The following LMTK2 variants were observed in gnomAD, a reference collection of about 807,000 sequenced individuals.
The protein encoded by LMTK2 is serine/threonine-protein kinase LMTK2.
Under a neutral mutation model 127.5 loss-of-function variants are expected in LMTK2, and 37 were observed. The ratio of observed to expected loss-of-function variants is 0.29; its 90% CI spans 0.22 to 0.38. The LOEUF (loss-of-function observed/expected upper bound fraction) is 0.38. Ranked by LOEUF, LMTK2 falls within the 10% of genes least tolerant of loss-of-function variation. The pLI, the probability that LMTK2 is intolerant of heterozygous loss-of-function variation, is 1.00. For synonymous variants in LMTK2, 819 were observed against 810.1 expected (o/e 1.01, Z -0.19); for missense variants, 1,694 against 1,920.3 (o/e 0.88, Z 2.20).
intron 7 of LMTK2, among the ~76,000 whole-genome samples, chr7:98,181,789 G>T (rs1309664619): frequency 3.4e-5 from 5 of 149,016 alleles, no homozygotes; most frequent in African/African-American, 4.8e-5. Flanking sequence ...CTCCCCAGTA[G>T]CTGGAATTAC....
intron 1 of LMTK2, among the ~76,000 whole-genome samples, chr7:98,113,134 C>G (rs1796227229): frequency 1.3e-5 from 2 of 152,102 alleles, no homozygotes; most frequent in Admixed American, 1.3e-4. Flanking sequence ...CCCGTAATCC[C>G]CATATGTCGT....
At chr7:98,202,083 A>T (rs1001727549) in intron 11 of LMTK2, among the ~76,000 whole-genome samples, 1 of 150,716 alleles carries the variant, frequency 6.6e-6, no homozygotes, top group South Asian at 2.1e-4. Context: ...GTATTCTCTC[A>T]TAGGTTCTGA....
At position 98,193,336 on chromosome 7, in the gene LMTK2, C is replaced by T. The variant is rs375726569; in HGVS notation, c.2871C>T (p.Asp957=). 4.6e-5 allele frequency: 75 copies of T among 1,614,048 alleles called. No individual in the cohort carries two copies. The East Asian group carries it at 1.1e-3, about 24-fold the overall frequency. ...VETLNQLNSK[D]AAKEAGLVSA... ...CTTTAAATCAGCTCAATTCTAAAGA[C>T]GCAGCAAAAGAAGCAGGCTTGGTGT... The change falls in exon 11 of 14, where the codon GAC becomes GAT. Residue 957 remains aspartate, a synonymous_variant. Transcript: ENST00000297293. The surrounding 1 kb of genome is among the most constrained non-coding windows in gnomAD (Gnocchi z 4.1).
At chr7:98,186,545 T>C (rs1195963423) in intron 8 of LMTK2, among the ~76,000 whole-genome samples, 2 of 152,212 alleles carry the variant, frequency 1.3e-5, no homozygotes, top group Non-Finnish European at 2.9e-5. Context: ...CCTAACTGGC[T>C]TCACTGTTCA....
At chr7:98,186,041 G>A (rs577932765) in intron 8 of LMTK2, among the ~76,000 whole-genome samples, 39 of 151,822 alleles carry the variant, frequency 2.6e-4, no homozygotes, top group Non-Finnish European at 4.6e-4. Context: ...CTTAGCACCT[G>A]CCTGTATCCT....
intron 10 of LMTK2, 53 bp from the exon 11 acceptor site, chr7:98,191,556 CAAAAA>C: frequency 2.4e-6 from 3 of 1,243,398 alleles, no homozygotes; most frequent in Admixed American, 2.7e-5. Context: ...CGTCTCGAAC[CAAAAA>C]AAAAAAAAAA....
At position 98,207,030 on chromosome 7, in the gene LMTK2, C is replaced by T. The variant is rs1797814916; in HGVS notation, c.*1538C>T. 6.6e-6 allele frequency: 1 copy of T among 152,226 alleles called. No homozygotes were observed. The highest frequency in any genetic ancestry group is 1.5e-5 in the Non-Finnish European group (1 of 68,104). The allele number at this position is 152,226 out of a possible 1,614,324, so 9.4% of individuals were successfully genotyped here. On this transcript the variant is annotated 3_prime_UTR_variant, in exon 14 of 14. Transcript: ENST00000297293. Reference sequence around the variant, plus strand: ...AGCTTCGTCACATCGTCACGAGCCCCTGTGGTCATGGGCGACCTCACACCT... The same window carrying T: ...AGCTTCGTCACATCGTCACGAGCCCTTGTGGTCATGGGCGACCTCACACCT...
chr7:98,131,846 C>T (rs1340729743), intron 1 of LMTK2, among the ~76,000 whole-genome samples: 1 of 152,170 alleles, frequency 6.6e-6, no homozygotes, highest in Non-Finnish European at 1.5e-5. Flanking sequence ...TTCAATGTTA[C>T]AAAACTGTGA....
chr7:98,120,007 ATGAT>A (rs375524304), intron 1 of LMTK2, among the ~76,000 whole-genome samples: 113 of 151,952 alleles, frequency 7.4e-4, no homozygotes, highest in South Asian at 1.2e-3. Context: ...TTTGCTGTGG[ATGAT>A]TGATCTGTAC....
At chr7:98,107,899 C>T (rs546522929) in intron 1 of LMTK2, among the ~76,000 whole-genome samples, 1 of 152,234 alleles carries the variant, frequency 6.6e-6, no homozygotes, top group East Asian at 1.9e-4. Context: ...ATGGAAGTTT[C>T]TATTTTAGCT....
intron 1 of LMTK2, among the ~76,000 whole-genome samples, chr7:98,110,608 G>C (rs1796188218): frequency 6.6e-6 from 1 of 152,204 alleles, no homozygotes; most frequent in African/African-American, 2.4e-5. Context: ...AAACATGGAT[G>C]CGCCTTTTCT....
chr7:98,173,222 G>A (rs530917801), intron 7 of LMTK2, among the ~76,000 whole-genome samples: 1 of 152,106 alleles, frequency 6.6e-6, no homozygotes, highest in Non-Finnish European at 1.5e-5. Context: ...CTTCAAGGGG[G>A]GACAGAGGAA....
intron 2 of LMTK2, among the ~76,000 whole-genome samples, chr7:98,138,172 G>T (rs565222929): frequency 3.2e-4 from 48 of 152,282 alleles, no homozygotes; most frequent in African/African-American, 1.0e-3. Flanking sequence ...GAATACATGG[G>T]GGGGAGAAGG....
chr7:98,137,055 A>G (rs954119749), intron 1 of LMTK2, among the ~76,000 whole-genome samples: 3 of 152,240 alleles, frequency 2.0e-5, no homozygotes, highest in Non-Finnish European at 4.4e-5. Flanking sequence ...ATACTGTGGT[A>G]ATGTACGATG....
intron 1 of LMTK2, among the ~76,000 whole-genome samples, chr7:98,136,980 C>A (rs377157721): frequency 2.0e-5 from 3 of 152,136 alleles, no homozygotes; most frequent in Non-Finnish European, 4.4e-5. Context: ...CAGTAAAATC[C>A]GAATAAAGCC....
At chr7:98,189,120 G>A (rs1423743092) in intron 9 of LMTK2, among the ~76,000 whole-genome samples, 1 of 152,036 alleles carries the variant, frequency 6.6e-6, no homozygotes, top group East Asian at 1.9e-4. Flanking sequence ...TTCATTTATT[G>A]AATTCTTCAG....
At chr7:98,119,995 T>C (rs1584244911) in intron 1 of LMTK2, among the ~76,000 whole-genome samples, 1 of 152,208 alleles carries the variant, frequency 6.6e-6, no homozygotes, top group Non-Finnish European at 1.5e-5. Flanking sequence ...TATTTTGATA[T>C]ATTTGCTGTG....
chr7:98,134,632 TAGTG>T (rs1369141288), intron 1 of LMTK2, among the ~76,000 whole-genome samples: 1 of 144,842 alleles, frequency 6.9e-6, no homozygotes. Context: ...CTGGACAACA[TAGTG>T]AGACTCCCAT....
At position 98,192,747 on chromosome 7, in the gene LMTK2, C is replaced by T. The variant is rs145315793; in HGVS notation, c.2282C>T (p.Thr761Met). 6.5e-5 allele frequency: 105 copies of T among 1,613,144 alleles called. No homozygotes were observed. Among genetic ancestry groups the T allele is most frequent in the Non-Finnish European group, 8.2e-5 (97 of 1,179,686 alleles). ...GGTTTTACTGAAGCTATGTTAGAAA[C>T]GTCATGTAGAAACTCTTTAGATACT... ...NAGFTEAMLE[T>M]SCRNSLDTEL... Residue 761 changes from threonine (T) to methionine (M), a missense_variant, in exon 11 of 14, where the codon ACG becomes ATG. Thr to Met is a moderately conservative substitution (Grantham distance 81). Around this residue, in one of 8 missense-constraint regions of LMTK2, gnomAD observed 527 missense variants for 539.8 expected, o/e 0.98. Coordinates refer to ENST00000297293, the MANE Select transcript of LMTK2 (RefSeq NM_014916.4).
Sources: allele counts gnomAD v4.1 joint callset (sites outside exome capture counted in the v4.1 genomes callset), GRCh38; gene constraint gnomAD v4.1.1; regional missense constraint gnomAD v4.1.1; non-coding constraint Gnocchi (gnomAD v3.1); transcripts MANE v1.5; gene names NCBI Gene and HGNC (gene_info 2026-07-23, HGNC 2026-07-21).